CNOT4: variants seen among roughly 807,000 people sequenced by gnomAD.
The protein encoded by CNOT4 is CCR4-associated factor 4.
CNOT4 carries 8 observed loss-of-function variants against 73.8 expected under a neutral mutation model. The ratio of observed to expected loss-of-function variants is 0.11; its 90% CI spans 0.06 to 0.20. CNOT4 has a LOEUF of 0.20. CNOT4 is among the 10% of genes least tolerant of loss of function. The pLI, the probability that CNOT4 is intolerant of heterozygous loss-of-function variation, is 1.00. For missense variants in CNOT4, 564 were observed against 883.4 expected, an observed-to-expected ratio of 0.64 and a Z score of 4.58; for synonymous variants, 293 against 321.1, an observed-to-expected ratio of 0.91 and a Z score of 0.94.
intron 2 of CNOT4, among the ~76,000 whole-genome samples, chr7:135,429,131 A>G (rs996057655): frequency 2.0e-5 from 3 of 152,188 alleles, no homozygotes; most frequent in Non-Finnish European, 4.4e-5. Flanking sequence ...GGTGTTTATA[A>G]TGGCTCAATA....
At chr7:135,495,185 C>G (rs990527921) in intron 1 of CNOT4, among the ~76,000 whole-genome samples, 1 of 152,050 alleles carries the variant, frequency 6.6e-6, no homozygotes, top group Non-Finnish European at 1.5e-5. Flanking sequence ...TTAAGAGCAG[C>G]CTGGGCAACA....
chr7:135,480,690 T>A (rs528896762), intron 1 of CNOT4, among the ~76,000 whole-genome samples: 2 of 152,210 alleles, frequency 1.3e-5, no homozygotes, highest in Non-Finnish European at 2.9e-5. Context: ...TCCCATGAAA[T>A]GTCTTTTAGG....
At chr7:135,389,342 A>G (rs151014095) in intron 10 of CNOT4, among the ~76,000 whole-genome samples, 1 of 151,946 alleles carries the variant, frequency 6.6e-6, no homozygotes, top group Non-Finnish European at 1.5e-5. Context: ...TGAAAGCATA[A>G]ATTATGTACT....
At chr7:135,452,924 T>C (rs1800268320) in intron 1 of CNOT4, among the ~76,000 whole-genome samples, 1 of 152,212 alleles carries the variant, frequency 6.6e-6, no homozygotes, top group Non-Finnish European at 1.5e-5. Context: ...CTGAGACTAA[T>C]TAGTGTGCTA....
rs140732109 is a variant in CNOT4, at chr7:135,427,757, T to TA, written c.175-5405dup. Among the ~76,000 whole-genome samples, 364 of 151,916 alleles carry TA rather than the reference T, an allele frequency of 2.4e-3. 13 individuals are homozygous for TA. The East Asian group carries it at 0.054, about 23-fold the overall frequency. Reference sequence around the variant, plus strand: ...ACTAAAAACCATGAAAAATACAACATAAAAATTTTTTTTTTCTTCTTACTA... The same window carrying TA: ...ACTAAAAACCATGAAAAATACAACATAAAAAATTTTTTTTTTCTTCTTACTA... On this transcript the variant is annotated intron_variant, in intron 2 of 11. Coordinates refer to ENST00000541284, the MANE Select transcript of CNOT4 (RefSeq NM_001190850.2).
chr7:135,379,185 C>T (rs149981625), intron 10 of CNOT4, among the ~76,000 whole-genome samples: 223 of 152,090 alleles, frequency 1.5e-3, no homozygotes, highest in African/African-American at 4.6e-3. Context: ...CACAAGCTAC[C>T]GGAAAGAGAC....
At chr7:135,430,277 C>A (rs1304775230) in intron 2 of CNOT4, among the ~76,000 whole-genome samples, 1 of 151,988 alleles carries the variant, frequency 6.6e-6, no homozygotes. Context: ...TATTAGCAAA[C>A]TGAATATAAA....
At chr7:135,500,407 A>T (rs1316389473) in intron 1 of CNOT4, among the ~76,000 whole-genome samples, 1 of 152,226 alleles carries the variant, frequency 6.6e-6, no homozygotes, top group Non-Finnish European at 1.5e-5. Flanking sequence ...TATGCTATCC[A>T]GAAATACACA....
chr7:135,495,669 CAAAAAAAAAAAA>C (rs1198174318), intron 1 of CNOT4, among the ~76,000 whole-genome samples: 370 of 31,828 alleles, frequency 0.012, 10 homozygotes, highest in Non-Finnish European at 0.016. Context: ...GACCCTGTGT[CAAAAAAAAAAAA>C]AAAAAAAAAA....
intron 1 of CNOT4, among the ~76,000 whole-genome samples, chr7:135,441,323 C>T (rs1013666255): frequency 1.3e-4 from 20 of 151,402 alleles, no homozygotes; most frequent in African/African-American, 4.8e-4. Flanking sequence ...AATTAAATTA[C>T]TTCTCACTTT....
chr7:135,457,060 T>A (rs1376791269), intron 1 of CNOT4, among the ~76,000 whole-genome samples: 1 of 152,092 alleles, frequency 6.6e-6, no homozygotes, highest in Non-Finnish European at 1.5e-5. Flanking sequence ...TTCAAAATAC[T>A]AGCAACATGC....
At chr7:135,405,924 C>T (rs948824384) in intron 7 of CNOT4, among the ~76,000 whole-genome samples, 1 of 152,040 alleles carries the variant, frequency 6.6e-6, no homozygotes, top group African/African-American at 2.4e-5. Context: ...AAAACTGCTA[C>T]CCACTATCTA....
intron 1 of CNOT4, among the ~76,000 whole-genome samples, chr7:135,447,894 T>C (rs1375038761): frequency 1.3e-5 from 2 of 152,052 alleles, no homozygotes; most frequent in Non-Finnish European, 2.9e-5. Context: ...ATTTATGTCC[T>C]AGAGTATTGT....
Position 135,395,786 on chromosome 7 carries a change from A to G in CNOT4, c.977T>C (p.Phe326Ser), listed in dbSNP as rs773056576. The G allele has an allele frequency of 6.2e-7, 1 of 1,613,962 alleles. No individual in the cohort carries two copies. The highest frequency in any genetic ancestry group is 1.1e-5 in the South Asian group (1 of 91,072). ...CTGTGACTCTGTTACTGCCCCTTCA[A>G]AAGGGGACCGTGCACTGTGATTGGA... is the stretch of plus-strand genomic sequence containing the variant. ...SSSNHSARSP[F>S]EGAVTESQSL... Residue 326 changes from phenylalanine to serine, a missense_variant, in exon 9 of 12, where the codon TTT (phenylalanine) becomes TCT (serine). By Grantham distance (155) the Phe-to-Ser change is radical. Coordinates refer to ENST00000541284, the MANE Select transcript of CNOT4 (RefSeq NM_001190850.2).
intron 1 of CNOT4, among the ~76,000 whole-genome samples, chr7:135,486,265 C>T (rs1240567755): frequency 6.6e-6 from 1 of 152,066 alleles, no homozygotes; most frequent in Non-Finnish European, 1.5e-5. Context: ...AGACAATTCA[C>T]TGAAAAGGAA....
intron 10 of CNOT4, among the ~76,000 whole-genome samples, chr7:135,391,896 C>T (rs1158787558): frequency 6.6e-6 from 1 of 151,988 alleles, no homozygotes; most frequent in Non-Finnish European, 1.5e-5. Context: ...CCCATAAAGG[C>T]ATCCTACTTC....
intron 10 of CNOT4, among the ~76,000 whole-genome samples, chr7:135,366,920 T>C (rs1794947115): frequency 6.6e-6 from 1 of 152,186 alleles, no homozygotes; most frequent in South Asian, 2.1e-4. Flanking sequence ...TCCCTCCCAA[T>C]GACCCAAATT....
chr7:135,484,559 C>A (rs1050602698), intron 1 of CNOT4, among the ~76,000 whole-genome samples: 1 of 152,044 alleles, frequency 6.6e-6, no homozygotes, highest in Non-Finnish European at 1.5e-5. Flanking sequence ...AGTTTGCGAC[C>A]AGCCTGGCCA....
At chr7:135,408,704 C>T (rs769415708) in intron 7 of CNOT4, among the ~76,000 whole-genome samples, 1 of 152,104 alleles carries the variant, frequency 6.6e-6, no homozygotes, top group Non-Finnish European at 1.5e-5. Flanking sequence ...ACGTGCACAG[C>T]TTTGGGATGT....
Sources: allele counts gnomAD v4.1 joint callset (sites outside exome capture counted in the v4.1 genomes callset), GRCh38; gene constraint gnomAD v4.1.1; transcripts MANE v1.5; gene names NCBI Gene and HGNC (gene_info 2026-07-23, HGNC 2026-07-21).